The following LBR variants were observed in gnomAD, a reference collection of about 807,000 sequenced individuals.
LBR encodes the protein delta(14)-sterol reductase LBR.
A neutral mutation model predicts 74.3 loss-of-function variants in LBR; 28 were observed. The observed-to-expected ratio is 0.38, with a 90% confidence interval of 0.28 to 0.52. LBR has a LOEUF of 0.52. Among genes scored for constraint, LBR ranks in the 20% least tolerant of loss-of-function variants. The probability of loss-of-function intolerance (pLI) is 0.89; values close to 1 mark genes in which losing one functional copy is unlikely to be tolerated. For synonymous variants in LBR, 228 were observed against 269.3 expected (o/e 0.85, Z 1.50); for missense variants, 717 against 760.3 (o/e 0.94, Z 0.67).
rs925324699 is a variant in LBR at position 225,403,060 on chromosome 1, T to G, written c.*243A>C. On this transcript the variant is annotated 3_prime_UTR_variant, in exon 14 of 14. Coordinates refer to ENST00000272163, the MANE Select transcript of LBR (RefSeq NM_002296.4). Reference sequence around the variant, plus strand: ...GTTTTCAGATTAAGGGTTGAAAATTTCCCATTAAAATGCAAATTCTCACAT... The same window carrying G: ...GTTTTCAGATTAAGGGTTGAAAATTGCCCATTAAAATGCAAATTCTCACAT... 24 of 501,538 alleles carry G rather than the reference T, an allele frequency of 4.8e-5. No individual in the cohort carries two copies. The highest frequency in any genetic ancestry group is 7.8e-5 in the Non-Finnish European group (22 of 281,380). 31.1% of individuals were successfully genotyped at this position (501,538 alleles called of 1,614,324 possible).
At position 225,402,561 on chromosome 1, in the gene LBR, T is replaced by G. The variant is rs1197251007; in HGVS notation, c.*742A>C. The G allele has an allele frequency of 6.6e-6, 1 of 152,602 alleles. No homozygotes were observed. Among genetic ancestry groups the G allele is most frequent in the Non-Finnish European group, 1.5e-5 (1 of 68,016 alleles). 9.5% of individuals were successfully genotyped at this position (152,602 alleles called of 1,614,324 possible). A position where few individuals can be genotyped will look rare whatever the true frequency, so the allele number is the denominator to read the frequency against. On this transcript the variant is annotated 3_prime_UTR_variant, in exon 14 of 14. Transcript: ENST00000272163. Reference sequence around the variant, plus strand: ...TTCCAAAATTTTTAATTCACATTACTTTACAAAATTTTATTTAAAATACTG... The same window carrying G: ...TTCCAAAATTTTTAATTCACATTACGTTACAAAATTTTATTTAAAATACTG...
upstream of LBR, chr1:225,428,102 T>A (rs944804630): frequency 6.6e-6 from 1 of 151,848 alleles, no homozygotes; most frequent in African/African-American, 2.4e-5. Context: ...CGGCCCCGCC[T>A]CGCGGCGCTT....
At chr1:225,419,237 T>A (rs1264303048) in intron 5 of LBR, 26 bp downstream of exon 5, 1 of 1,612,574 alleles carries the variant, frequency 6.2e-7, no homozygotes, top group Admixed American at 1.7e-5. Context: ...CCACCTGCCC[T>A]CTCTGGGCCC....
In LBR at chr1:225,418,200, A is replaced by C; in HGVS notation, c.641-20T>G. 1 of 1,606,356 alleles carries C rather than the reference A, an allele frequency of 6.2e-7. No individual in the cohort carries two copies. ...ACACACCTGCAAACAATTCATGAAC[A>C]TTCGAGGCTCAAATTTCAATCTGGT... On this transcript the variant is annotated intron_variant, in intron 5 of 13. Transcript: ENST00000272163.
At chr1:225,419,066 C>A (rs554897428) in intron 5 of LBR, among the ~76,000 whole-genome samples, 197 bp downstream of exon 5, 44 of 152,222 alleles carry the variant, frequency 2.9e-4, no homozygotes, top group Admixed American at 1.6e-3. Flanking sequence ...CTTTCTACTC[C>A]ATAATCCCTC....
intron 7 of LBR, among the ~76,000 whole-genome samples, chr1:225,415,069 G>A (rs2096114452): frequency 6.6e-6 from 1 of 152,194 alleles, no homozygotes; most frequent in South Asian, 2.1e-4. Flanking sequence ...AAATAAAACT[G>A]GAGAGTGGAC....
At chr1:225,416,810 T>TA (rs1422808447) in intron 6 of LBR, among the ~76,000 whole-genome samples, 1 of 152,184 alleles carries the variant, frequency 6.6e-6, no homozygotes, top group Non-Finnish European at 1.5e-5. Context: ...ACATGGCACT[T>TA]ACGTTGTATT....
intron 13 of LBR, among the ~76,000 whole-genome samples, chr1:225,403,832 A>C (rs1575217414): frequency 1.3e-5 from 2 of 149,500 alleles, no homozygotes; most frequent in South Asian, 2.1e-4. Flanking sequence ...CAGCTCCTCC[A>C]CCTCCACCAG....
chr1:225,424,272 TCTATGTGACA>T (rs761494426), intron 1 of LBR, among the ~76,000 whole-genome samples, 183 bp from the exon 2 acceptor site: 81 of 152,340 alleles, frequency 5.3e-4, no homozygotes, highest in Middle Eastern at 3.4e-3. Context: ...CACTGCGTTA[TCTATGTGACA>T]CTAAAGATTA....
At chr1:225,409,463 A>G (rs776421932) in intron 10 of LBR, among the ~76,000 whole-genome samples, 3 of 152,080 alleles carry the variant, frequency 2.0e-5, no homozygotes, top group Non-Finnish European at 4.4e-5. Context: ...AAATAATATA[A>G]TTTTTTTTAA....
chr1:225,419,520 A>G (rs2096123788), intron 4 of LBR, 68 bp from the exon 5 acceptor site: 4 of 1,140,074 alleles, frequency 3.5e-6, no homozygotes, highest in South Asian at 2.5e-5. Context: ...TGCATTAACT[A>G]TTTCAGCATC....
intron 2 of LBR, 129 bp downstream of exon 2, chr1:225,423,782 A>C (rs2096133082): frequency 2.3e-6 from 2 of 876,878 alleles, no homozygotes; most frequent in Non-Finnish European, 3.8e-6. Flanking sequence ...ACAGTATGTG[A>C]CCCAAAGCAA....
At chr1:225,413,846 C>T in intron 7 of LBR, 1 of 398,482 alleles carries the variant, frequency 2.5e-6, no homozygotes, top group Non-Finnish European at 5.1e-6. Flanking sequence ...ACTTGGCCAG[C>T]CACTCCCCCA....
chr1:225,419,352 T>C lies in LBR; in HGVS notation c.551A>G (p.Glu184Gly). Residue 184 changes from glutamate to glycine, a missense_variant, in exon 5 of 14, where the codon GAA becomes GGA. By Grantham distance (98) the Glu-to-Gly change is moderately conservative. Coordinates refer to ENST00000272163, the MANE Select transcript of LBR (RefSeq NM_002296.4). Reference sequence around the variant, plus strand: ...CAGTTCTTTTGCAACGTATTTTTCTTCCTTAGAATCTATTTCTTTTAATTT... The same window carrying C: ...CAGTTCTTTTGCAACGTATTTTTCTCCCTTAGAATCTATTTCTTTTAATTT... ...EVKLKEIDSK[E>G]EKYVAKELAV... is the part of the protein sequence containing the mutation. 1 of 1,614,216 alleles carries C rather than the reference T, an allele frequency of 6.2e-7. No homozygotes were observed. The highest frequency in any genetic ancestry group is 8.5e-7 in the Non-Finnish European group (1 of 1,180,008).
At chr1:225,408,414 C>A (rs564088906) in intron 10 of LBR, among the ~76,000 whole-genome samples, 8 of 152,294 alleles carry the variant, frequency 5.3e-5, no homozygotes, top group African/African-American at 1.9e-4. Flanking sequence ...TGGTGAGTGG[C>A]AGTGAGAGGG....
intron 8 of LBR, among the ~76,000 whole-genome samples, chr1:225,411,648 T>C (rs2096105971): frequency 6.6e-6 from 1 of 152,200 alleles, no homozygotes; most frequent in Non-Finnish European, 1.5e-5. Flanking sequence ...CTCCAGCCTT[T>C]GGGGGAGCCG....
At chr1:225,427,204 T>C (rs2096141214) in intron 1 of LBR, 1 of 152,202 alleles carries the variant, frequency 6.6e-6, no homozygotes, top group Non-Finnish European at 1.5e-5. Context: ...GCAAGTGCTT[T>C]ACTAAGTGCC....
intron 6 of LBR, among the ~76,000 whole-genome samples, chr1:225,417,014 C>T (rs1245525199): frequency 9.9e-5 from 15 of 152,162 alleles, no homozygotes; most frequent in African/African-American, 3.6e-4. Context: ...AATATATATG[C>T]TTTTAGTCAC....
At chr1:225,422,312 C>G in intron 2 of LBR, 35 bp from the exon 3 acceptor site, 1 of 1,530,284 alleles carries the variant, frequency 6.5e-7, no homozygotes. Context: ...AGCTTTACCA[C>G]AAATCATAAC....
Sources: allele counts gnomAD v4.1 joint callset (sites outside exome capture counted in the v4.1 genomes callset), GRCh38; gene constraint gnomAD v4.1.1; transcripts MANE v1.5; gene names NCBI Gene and HGNC (gene_info 2026-07-23, HGNC 2026-07-21).